SEM1: variants seen among roughly 807,000 people sequenced by gnomAD.
SEM1 encodes 26S proteasome complex subunit SEM1.
In SEM1, 3 loss-of-function variants were observed where a neutral mutation model predicts 12.7. The ratio of observed to expected loss-of-function variants is 0.24; its 90% confidence interval spans 0.11 to 0.61. The LOEUF is 0.61. SEM1 is among the 20% of genes least tolerant of loss of function. SEM1 has a pLI of 0.88. For missense variants in SEM1, 59 were observed against 81.3 expected, an observed-to-expected ratio of 0.73 and a Z score of 1.06; for synonymous variants, 30 against 27.8, an observed-to-expected ratio of 1.08 and a Z score of -0.25.
At chr7:96,631,392 T>A (rs1308783829) in intron 2 of SEM1, among the ~76,000 whole-genome samples, 1 of 152,084 alleles carries the variant, frequency 6.6e-6, no homozygotes, top group African/African-American at 2.4e-5. Flanking sequence ...TTTTCTTTTA[T>A]AATAGGACAG....
At chr7:96,562,108 A>C (rs971148503) in intron 2 of SEM1, among the ~76,000 whole-genome samples, 1 of 152,184 alleles carries the variant, frequency 6.6e-6, no homozygotes, top group African/African-American at 2.4e-5. Flanking sequence ...CATGTAATTC[A>C]TTTTGTCGAG....
chr7:96,571,202 AG>A (rs1806016762), intron 2 of SEM1, among the ~76,000 whole-genome samples: 2 of 151,996 alleles, frequency 1.3e-5, no homozygotes, highest in African/African-American at 2.4e-5. Context: ...GAAACTCTTT[AG>A]TTTAATTAGA....
chr7:96,632,848 C>T (rs1257381623), intron 2 of SEM1, among the ~76,000 whole-genome samples: 2 of 144,286 alleles, frequency 1.4e-5, no homozygotes, highest in South Asian at 2.2e-4. Flanking sequence ...GGGGGACAAT[C>T]GGTGGAGACT....
intron 2 of SEM1, among the ~76,000 whole-genome samples, chr7:96,692,708 T>TTGTA (rs1332795521): frequency 6.6e-6 from 1 of 152,092 alleles, no homozygotes; most frequent in Non-Finnish European, 1.5e-5. Flanking sequence ...GCAGGTACAA[T>TTGTA]GCTTGGAACA....
downstream of SEM1, among the ~76,000 whole-genome samples, chr7:96,618,273 C>T (rs912654378): frequency 5.3e-5 from 8 of 152,218 alleles, no homozygotes; most frequent in African/African-American, 1.7e-4. Flanking sequence ...TGCATGTTTC[C>T]AGAATTTATC....
At chr7:96,627,160 CA>C (rs1808098478) in intron 2 of SEM1, among the ~76,000 whole-genome samples, 1 of 151,928 alleles carries the variant, frequency 6.6e-6, no homozygotes, top group African/African-American at 2.4e-5. Context: ...TCTTTTTTCT[CA>C]GTTATTTTGG....
intron 2 of SEM1, among the ~76,000 whole-genome samples, chr7:96,600,787 T>C (rs1241793049): frequency 6.6e-6 from 1 of 152,196 alleles, no homozygotes; most frequent in African/African-American, 2.4e-5. Flanking sequence ...GCACATTGCA[T>C]TCTTCCTGGA....
Position 96,552,152 on chromosome 7 carries a change from G to A in SEM1, c.171-45454C>T, listed in dbSNP as rs75819783. Reference sequence around the variant, plus strand: ...TGGTAGTACATTCAGAGGGGTGGGAGCTGGGGCTACCATTTAACTACACTT... The same window carrying A: ...TGGTAGTACATTCAGAGGGGTGGGAACTGGGGCTACCATTTAACTACACTT... On this transcript the variant is annotated intron_variant and NMD_transcript_variant, in intron 2 of 3. Coordinates refer to the SEM1 transcript ENST00000466986. Among the ~76,000 whole-genome samples the A allele has an allele frequency of 5.3e-4, 81 of 152,136 alleles. 1 individual carries two copies. Among genetic ancestry groups the A allele is most frequent in the African/African-American group, 1.8e-3 (75 of 41,520 alleles).
intron 2 of SEM1, among the ~76,000 whole-genome samples, chr7:96,555,285 G>C (rs1388937057): frequency 1.3e-5 from 2 of 151,962 alleles, no homozygotes; most frequent in Non-Finnish European, 2.9e-5. Flanking sequence ...TGTGATGTTA[G>C]GGTGTCAATT....
At chr7:96,673,681 A>T in exon 3 of SEM1, 2 of 740,254 alleles carry the variant, frequency 2.7e-6, no homozygotes, top group East Asian at 2.5e-5. Context: ...ACTAGTGCTC[A>T]ATAATAGCTC....
chr7:96,664,439 A>G (rs62470376), intron 2 of SEM1: 15,027 of 152,204 alleles, frequency 0.099, 807 homozygotes, highest in East Asian at 0.15. Flanking sequence ...CCCCTCCTCC[A>G]TCTTCAAAGA....
At chr7:96,709,588 C>A (rs771292852) in intron 1 of SEM1, 100 bp downstream of exon 1, 1 of 1,141,516 alleles carries the variant, frequency 8.8e-7, no homozygotes, top group African/African-American at 1.6e-5. Flanking sequence ...GTCCAAACTT[C>A]CCGCCGGTGC....
chr7:96,673,799 G>A (rs1415690868), exon 3 of SEM1: 3 of 765,110 alleles, frequency 3.9e-6, no homozygotes, highest in Non-Finnish European at 7.2e-6. Context: ...TTCCCTTTTG[G>A]TGGAGAACAT....
chr7:96,706,868 G>C (rs537574342), intron 1 of SEM1, among the ~76,000 whole-genome samples: 3 of 152,280 alleles, frequency 2.0e-5, no homozygotes, highest in East Asian at 1.9e-4. Flanking sequence ...AGACTGCAGA[G>C]ATGTTCATAG....
At chr7:96,619,647 G>T (rs1807828477), downstream of SEM1, among the ~76,000 whole-genome samples, 1 of 152,112 alleles carries the variant, frequency 6.6e-6, no homozygotes, top group Non-Finnish European at 1.5e-5. Context: ...CCTCTGGGCA[G>T]TTGGTGTGGT....
intron 1 of SEM1, among the ~76,000 whole-genome samples, chr7:96,486,815 A>T (rs1802789131): frequency 1.3e-5 from 2 of 152,168 alleles, no homozygotes; most frequent in African/African-American, 4.8e-5. Flanking sequence ...GTTCTTCCTT[A>T]AACAAAGGCA....
Position 96,546,482 on chromosome 7 carries a change from A to G in SEM1, c.171-39784T>C, listed in dbSNP as rs540913879. ...CATCTTTCACATGAAGAAAATGATG[A>G]TCATTTTCAGTACCTACCTCTTATG... is the stretch of plus-strand genomic sequence containing the variant. On this transcript the variant is annotated intron_variant and NMD_transcript_variant, in intron 2 of 3. Coordinates refer to the SEM1 transcript ENST00000466986. Among the ~76,000 whole-genome samples the G allele has an allele frequency of 6.2e-4, 94 of 152,240 alleles. 2 individuals carry two copies. Among genetic ancestry groups the G allele is most frequent in the South Asian group, 3.5e-3 (17 of 4,822 alleles).
chr7:96,647,092 G>C (rs934235610), intron 2 of SEM1, among the ~76,000 whole-genome samples: 12 of 152,136 alleles, frequency 7.9e-5, no homozygotes, highest in African/African-American at 2.9e-4. Flanking sequence ...TCGGTCTCTG[G>C]TGTGCTCTGC....
At chr7:96,506,756 G>C (rs574525107) in intron 2 of SEM1, 14 of 152,166 alleles carry the variant, frequency 9.2e-5, no homozygotes, top group East Asian at 3.9e-4. Context: ...ATAATTGCAA[G>C]TATTGAGAAG....
Sources: gnomAD v4.1 joint callset for allele counts (sites outside exome capture counted in the v4.1 genomes callset) on GRCh38, gnomAD v4.1.1 for gene constraint, MANE v1.5 for transcripts, NCBI Gene and HGNC (gene_info 2026-07-23, HGNC 2026-07-21) for gene names.